PRKN: variants seen among roughly 807,000 people sequenced by gnomAD.
The protein encoded by PRKN is parkin RBR E3 ubiquitin protein ligase, also known as E3 ubiquitin-protein ligase parkin.
PRKN carries 56 observed loss-of-function variants against 59.5 expected under a neutral mutation model. The ratio of observed to expected loss-of-function variants is 0.94; its 90% CI spans 0.76 to 1.18. PRKN has a LOEUF of 1.18. Ranked by LOEUF, PRKN falls within the 50% of genes most tolerant of loss-of-function variation. PRKN has a pLI of 0.00. For missense variants in PRKN, 657 were observed against 596.4 expected (o/e 1.10, Z -1.06); for synonymous variants, 250 against 222.1 (o/e 1.13, Z -1.12).
intron 1 of PRKN, among the ~76,000 whole-genome samples, chr6:162,667,700 G>A (rs1021097042): frequency 6.6e-6 from 1 of 151,984 alleles, no homozygotes; most frequent in Non-Finnish European, 1.5e-5. Flanking sequence ...CATACACAGG[G>A]CATAGTAAAG....
chr6:161,733,783 A>AAAATAG (rs35360887), intron 7 of PRKN, among the ~76,000 whole-genome samples: 1 of 86,228 alleles, frequency 1.2e-5, no homozygotes, highest in Non-Finnish European at 1.9e-5. Context: ...AAAAAAAAAA[A>AAAATAG]ATATATATAT....
intron 9 of PRKN, among the ~76,000 whole-genome samples, chr6:161,408,306 T>A (rs906095113): frequency 2.5e-5 from 3 of 120,616 alleles, no homozygotes; most frequent in African/African-American, 9.8e-5. Flanking sequence ...CAATTAAGGG[T>A]GAAAAACTGG....
chr6:161,730,243 G>A (rs1446891468), intron 7 of PRKN, among the ~76,000 whole-genome samples: 2 of 146,892 alleles, frequency 1.4e-5, no homozygotes, highest in Non-Finnish European at 3.0e-5. Flanking sequence ...CTGATATGTT[G>A]CAGTCTGATG....
intron 7 of PRKN, among the ~76,000 whole-genome samples, chr6:161,658,929 T>A (rs1448593135): frequency 1.3e-5 from 2 of 152,268 alleles, no homozygotes; most frequent in East Asian, 3.8e-4. Flanking sequence ...TAGAAGATTC[T>A]GAACCTGCTT....
intron 4 of PRKN, among the ~76,000 whole-genome samples, chr6:162,126,874 T>A (rs567390373): frequency 6.6e-6 from 1 of 152,208 alleles, no homozygotes; most frequent in Non-Finnish European, 1.5e-5. Flanking sequence ...TTTAATATTT[T>A]CCTCATGTTA....
chr6:162,579,252 G>A (rs541461647), intron 1 of PRKN, among the ~76,000 whole-genome samples: 2 of 152,108 alleles, frequency 1.3e-5, no homozygotes, highest in African/African-American at 4.8e-5. Flanking sequence ...CCTCTACTTA[G>A]AATGACTTTT....
intron 4 of PRKN, among the ~76,000 whole-genome samples, chr6:162,145,093 T>C (rs1414456144): frequency 1.3e-5 from 2 of 152,194 alleles, no homozygotes; most frequent in Non-Finnish European, 2.9e-5. Context: ...AGTCAAGGTA[T>C]TCACTTCAAC....
At chr6:161,521,151 A>G (rs558209) in intron 9 of PRKN, among the ~76,000 whole-genome samples, 123,782 of 152,094 alleles carry the variant, frequency 0.81, 50,570 homozygotes, top group Middle Eastern at 0.87. Flanking sequence ...TCAGAGTTGG[A>G]GGTGAGTCTT....
At chr6:162,562,173 A>C (rs1292659535) in intron 1 of PRKN, among the ~76,000 whole-genome samples, 1 of 152,170 alleles carries the variant, frequency 6.6e-6, no homozygotes, top group Non-Finnish European at 1.5e-5. Flanking sequence ...CTACCAGACA[A>C]CATTTCTAGA....
chr6:162,294,711 A>C (rs1265690136), intron 2 of PRKN, among the ~76,000 whole-genome samples: 1 of 152,170 alleles, frequency 6.6e-6, no homozygotes, highest in African/African-American at 2.4e-5. Context: ...AAGAAGATTA[A>C]GAAGAGAATA....
At chr6:162,259,293 G>A (rs1040113948) in intron 3 of PRKN, among the ~76,000 whole-genome samples, 1 of 152,170 alleles carries the variant, frequency 6.6e-6, no homozygotes, top group Non-Finnish European at 1.5e-5. Context: ...CGATTGTTCC[G>A]TGAGAACAAC....
intron 7 of PRKN, among the ~76,000 whole-genome samples, chr6:161,660,471 G>A (rs1006084041): frequency 2.0e-5 from 3 of 152,128 alleles, no homozygotes; most frequent in Admixed American, 6.5e-5. Context: ...AAACTAAAAG[G>A]TCATTTCTGT....
intron 1 of PRKN, among the ~76,000 whole-genome samples, chr6:162,595,406 C>T (rs1781462990): frequency 6.6e-6 from 1 of 151,914 alleles, no homozygotes; most frequent in African/African-American, 2.4e-5. Flanking sequence ...CAGATATGTG[C>T]CACCACACCC....
At position 161,554,734 on chromosome 6, in the gene PRKN, G is replaced by GTGTGTA. The variant is rs1452353963; in HGVS notation, c.934-5732_934-5731insTACACA. On this transcript the variant is annotated intron_variant, in intron 8 of 11. Transcript: ENST00000366898. This position sits in a 1 kb window ranked among gnomAD's most constrained non-coding sequence, Gnocchi z 4.5. ...GGATTGTGTGTGTGTGTGTGTGTGT[G>GTGTGTA]TATATATATATATATATATACATAC... Among the ~76,000 whole-genome samples the GTGTGTA allele has an allele frequency of 1.4e-4, 20 of 140,954 alleles. No homozygotes were observed. Among genetic ancestry groups the GTGTGTA allele is most frequent in the Admixed American group, 6.4e-4 (9 of 13,998 alleles). 92.5% of individuals were successfully genotyped at this position (140,954 alleles called of 152,430 possible).
intron 7 of PRKN, among the ~76,000 whole-genome samples, chr6:161,765,195 A>G (rs2128200075): frequency 6.6e-6 from 1 of 152,288 alleles, no homozygotes; most frequent in South Asian, 2.1e-4. Flanking sequence ...CACATCATAT[A>G]TTACTTGGGG....
chr6:162,694,736 A>AT (rs1264528930), intron 1 of PRKN: 1 of 152,232 alleles, frequency 6.6e-6, no homozygotes, highest in African/African-American at 2.4e-5. Context: ...GAAAGGATAC[A>AT]TTTTTTAAAG....
rs140082933 is a variant in PRKN, at chr6:162,451,367, T to TAAAAA, written c.8-7899_8-7895dup. ...AGTAGTATTACTGTCCTTAAAGGAGTAAAAAAAAAAAAAAAAAAATTGCAA... is the reference window on the plus strand; with the variant it reads ...AGTAGTATTACTGTCCTTAAAGGAGTAAAAAAAAAAAAAAAAAAAAAAAATTGCAA... On this transcript the variant is annotated intron_variant, in intron 1 of 11. Coordinates refer to ENST00000366898, the MANE Select transcript of PRKN (RefSeq NM_004562.3). Among the ~76,000 whole-genome samples the TAAAAA allele has an allele frequency of 9.7e-3, 1,017 of 104,642 alleles. 17 individuals are homozygous for TAAAAA. The highest frequency in any genetic ancestry group is 0.034 in the African/African-American group (953 of 28,252). 68.6% of individuals were successfully genotyped at this position (104,642 alleles called of 152,430 possible). A position where few individuals can be genotyped will look rare whatever the true frequency, so the allele number is the denominator to read the frequency against.
intron 9 of PRKN, among the ~76,000 whole-genome samples, chr6:161,485,306 G>C (rs971624737): frequency 2.6e-5 from 4 of 151,956 alleles, no homozygotes; most frequent in African/African-American, 7.3e-5. Flanking sequence ...AACTGAATAG[G>C]CATCTCCATC....
chr6:162,511,889 T>C (rs1777636103), intron 1 of PRKN, among the ~76,000 whole-genome samples: 1 of 152,276 alleles, frequency 6.6e-6, no homozygotes. Context: ...TTAAAAGTAA[T>C]GGAGATTACA....
Sources: allele counts gnomAD v4.1 joint callset (sites outside exome capture counted in the v4.1 genomes callset), GRCh38; gene constraint gnomAD v4.1.1; non-coding constraint Gnocchi (gnomAD v3.1); transcripts MANE v1.5; gene names NCBI Gene and HGNC (gene_info 2026-07-23, HGNC 2026-07-21).